TET2: variants seen among roughly 807,000 people sequenced by gnomAD.
TET2 encodes the protein tet methylcytosine dioxygenase 2, also known as methylcytosine dioxygenase TET2.
Under a neutral mutation model 142.9 loss-of-function variants are expected in TET2, and 299 were observed. That is an observed-to-expected ratio of 2.09 (90% CI 1.90 to 2.30). The LOEUF is 2.30. Among genes scored for constraint, TET2 ranks in the 30% most tolerant of loss-of-function variants. TET2 has a pLI of 0.00. For missense variants in TET2, 2,418 were observed against 2,378.0 expected (o/e 1.02, Z -0.35); for synonymous variants, 819 against 849.0 (o/e 0.96, Z 0.61).
intron 2 of TET2, among the ~76,000 whole-genome samples, chr4:105,204,850 C>T (rs929012842): frequency 2.0e-5 from 3 of 151,956 alleles, no homozygotes; most frequent in Non-Finnish European, 4.4e-5. Context: ...TTAAAATTGC[C>T]TTAGTTTTGC....
chr4:105,206,036 A>T (rs1478170960), intron 2 of TET2, among the ~76,000 whole-genome samples: 1 of 152,084 alleles, frequency 6.6e-6, no homozygotes, highest in African/African-American at 2.4e-5. Context: ...CCCACAACCC[A>T]CACCCTTTGT....
At chr4:105,211,725 G>T (rs909608046) in intron 2 of TET2, among the ~76,000 whole-genome samples, 5 of 152,284 alleles carry the variant, frequency 3.3e-5, no homozygotes, top group African/African-American at 1.2e-4. Flanking sequence ...CTGTATGAAG[G>T]AGTAAATGGA....
At chr4:105,273,884 C>T (rs1731077814) in intron 10 of TET2, among the ~76,000 whole-genome samples, 1 of 152,022 alleles carries the variant, frequency 6.6e-6, no homozygotes, top group Non-Finnish European at 1.5e-5. Context: ...TTTCCATAGC[C>T]TCCTGCTTTA....
At chr4:105,272,423 A>G in intron 9 of TET2, 141 bp from the exon 10 acceptor site, 1 of 591,480 alleles carries the variant, frequency 1.7e-6, no homozygotes, top group Non-Finnish European at 2.9e-6. Context: ...GGATGGTTTT[A>G]TGGTAATATA....
At chr4:105,151,467 A>G (rs1163247587) in intron 1 of TET2, among the ~76,000 whole-genome samples, 2 of 150,292 alleles carry the variant, frequency 1.3e-5, no homozygotes, top group East Asian at 1.9e-4. Context: ...TCAATATAAT[A>G]TATATTAGAT....
At chr4:105,222,246 A>C (rs1410896169) in intron 2 of TET2, among the ~76,000 whole-genome samples, 1 of 152,226 alleles carries the variant, frequency 6.6e-6, no homozygotes, top group African/African-American at 2.4e-5. Flanking sequence ...GGGATGGCTC[A>C]GTCAAATGGT....
chr4:105,274,028 C>G (rs1424030945), intron 10 of TET2, among the ~76,000 whole-genome samples: 3 of 152,182 alleles, frequency 2.0e-5, no homozygotes, highest in Non-Finnish European at 4.4e-5. Context: ...TCTACTGATT[C>G]ATTTCCAAGC....
intron 6 of TET2, among the ~76,000 whole-genome samples, chr4:105,256,412 G>A (rs566515907): frequency 3.5e-4 from 53 of 152,176 alleles, no homozygotes; most frequent in African/African-American, 1.2e-3. Context: ...TCTTTTTCTT[G>A]TGGTTCTATG....
At chr4:105,237,916 TTTATA>T in intron 3 of TET2, 1 of 1,021,212 alleles carries the variant, frequency 9.8e-7, no homozygotes, top group Non-Finnish European at 1.2e-6. Flanking sequence ...AATGTTGTGA[TTTATA>T]TTCATTTTGA....
chr4:105,252,965 A>C (rs1316951067), intron 6 of TET2, among the ~76,000 whole-genome samples: 1 of 151,632 alleles, frequency 6.6e-6, no homozygotes, highest in Non-Finnish European at 1.5e-5. Context: ...CTGTTTCTGG[A>C]CTCTTTATTC....
chr4:105,185,607 C>T (rs186400476), intron 1 of TET2, among the ~76,000 whole-genome samples: 73 of 152,036 alleles, frequency 4.8e-4, no homozygotes, highest in African/African-American at 1.7e-3. Context: ...GGTGAAATCC[C>T]GTCTCTACTA....
At chr4:105,270,129 C>T (rs1388231252) in intron 9 of TET2, among the ~76,000 whole-genome samples, 2 of 152,128 alleles carry the variant, frequency 1.3e-5, no homozygotes. Flanking sequence ...ACAGCCAGAC[C>T]ATATCAGCAG....
chr4:105,241,177 T>G, intron 3 of TET2, 162 bp from the exon 4 acceptor site: 1 of 1,282,764 alleles, frequency 7.8e-7, no homozygotes, highest in Non-Finnish European at 1.0e-6. Flanking sequence ...TGGCACATTT[T>G]CTAATAGATC....
chr4:105,172,167 C>G (rs1560723051), intron 1 of TET2, among the ~76,000 whole-genome samples: 1 of 151,992 alleles, frequency 6.6e-6, no homozygotes. Flanking sequence ...ATACAGTTGA[C>G]CCTTGAATAA....
chr4:105,260,975 A>T (rs72963031), intron 7 of TET2, among the ~76,000 whole-genome samples: 2,045 of 152,150 alleles, frequency 0.013, 46 homozygotes, highest in African/African-American at 0.045. Flanking sequence ...GAGGATACCA[A>T]GTAACTTATT....
intron 2 of TET2, among the ~76,000 whole-genome samples, chr4:105,203,374 G>A (rs1366330166): frequency 6.6e-6 from 1 of 152,008 alleles, no homozygotes; most frequent in East Asian, 1.9e-4. Context: ...GTATTTACTG[G>A]GAAAAAAAGT....
intron 2 of TET2, among the ~76,000 whole-genome samples, chr4:105,233,247 G>A (rs552557962): frequency 9.5e-4 from 144 of 152,068 alleles, no homozygotes; most frequent in African/African-American, 3.3e-3. Flanking sequence ...AGCTAGGCAT[G>A]GTAGCAGGCA....
chr4:105,212,922 G>A (rs755524557), intron 2 of TET2, among the ~76,000 whole-genome samples: 2 of 152,112 alleles, frequency 1.3e-5, no homozygotes, highest in African/African-American at 2.4e-5. Context: ...CCCAGGAGGC[G>A]GAGGTTGCAG....
intron 1 of TET2, among the ~76,000 whole-genome samples, chr4:105,159,859 C>A (rs1395950152): frequency 1.3e-5 from 2 of 151,972 alleles, no homozygotes; most frequent in African/African-American, 4.8e-5. Flanking sequence ...CAAAAATTAG[C>A]TGGGCGTGGT....
Sources: gnomAD v4.1 joint callset for allele counts (sites outside exome capture counted in the v4.1 genomes callset) on GRCh38, gnomAD v4.1.1 for gene constraint, MANE v1.5 for transcripts, NCBI Gene and HGNC (gene_info 2026-07-23, HGNC 2026-07-21) for gene names.